Variants in SPMIP2 observed in about 807,000 individuals in gnomAD.
SPMIP2 encodes sperm microtubule inner protein 2.
At chr4:159,046,557 T>C in the SPMIP2 span, among the ~76,000 whole-genome samples, 2 of 152,110 alleles carry the variant, frequency 1.3e-5, no homozygotes, top group South Asian at 2.1e-4. Flanking sequence ...TCATTTCTTG[T>C]TTTGTTTTTT....
At chr4:158,893,818 G>A in the SPMIP2 span, 2 of 751,690 alleles carry the variant, frequency 2.7e-6, no homozygotes, top group Non-Finnish European at 4.3e-6. Context: ...TGTCACAGTT[G>A]ATATCTTGGT....
the SPMIP2 span, among the ~76,000 whole-genome samples, chr4:159,022,340 T>G: frequency 6.6e-6 from 1 of 152,216 alleles, no homozygotes; most frequent in African/African-American, 2.4e-5. Context: ...ATTTACAGAA[T>G]GGTATTATAC....
At chr4:158,955,562 C>T in the SPMIP2 span, among the ~76,000 whole-genome samples, 14 of 152,230 alleles carry the variant, frequency 9.2e-5, no homozygotes, top group South Asian at 4.1e-4. Context: ...TGCACAAAGA[C>T]GCCTGGCTAA....
chr4:159,006,662 T>C, the SPMIP2 span, among the ~76,000 whole-genome samples: 2 of 152,160 alleles, frequency 1.3e-5, no homozygotes, highest in African/African-American at 4.8e-5. Flanking sequence ...TGGTGACAGA[T>C]AGTAATCCCC....
chr4:159,037,236 T>C, the SPMIP2 span, among the ~76,000 whole-genome samples: 1 of 152,186 alleles, frequency 6.6e-6, no homozygotes, highest in Non-Finnish European at 1.5e-5. Context: ...AGGGAAAATA[T>C]GGGAGAAGAA....
chr4:158,929,910 A>G, the SPMIP2 span, among the ~76,000 whole-genome samples: 1 of 152,162 alleles, frequency 6.6e-6, no homozygotes, highest in Non-Finnish European at 1.5e-5. Flanking sequence ...GTTCATGTGT[A>G]TGGTCCTTTC....
At chr4:159,075,921 C>G in the SPMIP2 span, among the ~76,000 whole-genome samples, 4 of 151,730 alleles carry the variant, frequency 2.6e-5, no homozygotes, top group African/African-American at 9.7e-5. Context: ...AGAAAAAAAA[C>G]CCTGGCTGGT....
At chr4:159,071,863 A>G in the SPMIP2 span, among the ~76,000 whole-genome samples, 1 of 152,218 alleles carries the variant, frequency 6.6e-6, no homozygotes, top group African/African-American at 2.4e-5. Flanking sequence ...CCACAAAAAC[A>G]ACAGGGAGCT....
At chr4:159,068,182 A>G in the SPMIP2 span, among the ~76,000 whole-genome samples, 5 of 152,196 alleles carry the variant, frequency 3.3e-5, no homozygotes, top group African/African-American at 1.2e-4. Flanking sequence ...AGGATTATAA[A>G]TCATGCTGCT....
the SPMIP2 span, among the ~76,000 whole-genome samples, chr4:159,011,077 C>T: frequency 6.6e-6 from 1 of 152,120 alleles, no homozygotes; most frequent in African/African-American, 2.4e-5. Context: ...GTTCCCCTCC[C>T]TCACTCAATT....
At chr4:159,046,412 A>G in the SPMIP2 span, among the ~76,000 whole-genome samples, 1 of 152,184 alleles carries the variant, frequency 6.6e-6, no homozygotes, top group Non-Finnish European at 1.5e-5. Flanking sequence ...GGAGGGCATT[A>G]CAAAGGGCAT....
the SPMIP2 span, among the ~76,000 whole-genome samples, chr4:158,911,383 TA>T: frequency 9.1e-3 from 694 of 76,380 alleles, 5 homozygotes; most frequent in African/African-American, 0.043. Context: ...AATAAATAAA[TA>T]AAATAAATAA....
the SPMIP2 span, among the ~76,000 whole-genome samples, chr4:158,942,564 G>A: frequency 6.6e-6 from 1 of 152,154 alleles, no homozygotes; most frequent in East Asian, 1.9e-4. Context: ...AGGGTCAGGA[G>A]TTCGAAACCA....
the SPMIP2 span, among the ~76,000 whole-genome samples, chr4:158,916,118 C>T: frequency 8.5e-5 from 13 of 152,204 alleles, no homozygotes; most frequent in Admixed American, 3.9e-4. Context: ...GGGAGATTTG[C>T]ATCGCCCTTC....
the SPMIP2 span, among the ~76,000 whole-genome samples, chr4:158,997,005 G>A: frequency 0.01 from 1,526 of 152,234 alleles, 26 homozygotes; most frequent in African/African-American, 0.035. Flanking sequence ...AGAAGAGTGT[G>A]CTGGCCTCTG....
the SPMIP2 span, among the ~76,000 whole-genome samples, chr4:159,079,184 T>C: frequency 6.6e-6 from 1 of 152,160 alleles, no homozygotes; most frequent in African/African-American, 2.4e-5. Context: ...GGTGTGTTTG[T>C]GTCCCTCCCA....
chr4:158,919,968 G>A, the SPMIP2 span, among the ~76,000 whole-genome samples: 1 of 152,168 alleles, frequency 6.6e-6, no homozygotes, highest in South Asian at 2.1e-4. Flanking sequence ...GGGCCTGGTG[G>A]GAGGGGATTG....
chr4:158,919,806 A>G, the SPMIP2 span, among the ~76,000 whole-genome samples: 1 of 152,226 alleles, frequency 6.6e-6, no homozygotes, highest in Non-Finnish European at 1.5e-5. Context: ...GGCTAGCAGT[A>G]GCCCCTTCAA....
the SPMIP2 span, among the ~76,000 whole-genome samples, chr4:159,080,162 T>C: frequency 6.6e-6 from 1 of 152,104 alleles, no homozygotes; most frequent in Admixed American, 6.6e-5. Flanking sequence ...AAGCTTACAA[T>C]CTAGAAAAGA....
Sources: allele counts gnomAD v4.1 joint callset (sites outside exome capture counted in the v4.1 genomes callset), GRCh38; gene constraint gnomAD v4.1.1; transcripts MANE v1.5; gene names NCBI Gene and HGNC (gene_info 2026-07-23, HGNC 2026-07-21).